Variants in CWC25 observed in about 807,000 individuals in gnomAD.
The protein encoded by CWC25 is pre-mRNA-splicing factor CWC25 homolog.
In CWC25, 31 loss-of-function variants were observed where a neutral mutation model predicts 54.6. That is an observed-to-expected ratio of 0.57 (90% CI 0.43 to 0.77). The LOEUF (loss-of-function observed/expected upper bound fraction) is 0.77, where lower values mean the gene tolerates loss of function less well. Ranked by LOEUF, CWC25 falls within the 30% of genes least tolerant of loss-of-function variation. CWC25 has a pLI of 0.00. For synonymous variants in CWC25, 151 were observed against 187.0 expected (o/e 0.81, Z 1.57); for missense variants, 453 against 529.3 (o/e 0.86, Z 1.41).
intron 4 of CWC25, among the ~76,000 whole-genome samples, chr17:38,811,527 C>T (rs561879980): frequency 3.7e-5 from 5 of 136,414 alleles, no homozygotes; most frequent in East Asian, 4.2e-4. Context: ...GGCAACAGAG[C>T]GAGACTCCGT....
chr17:38,817,579 G>GAGACCAAGGCCATCCAGGCCAAC (rs1456300331), intron 2 of CWC25, among the ~76,000 whole-genome samples: 1 of 151,984 alleles, frequency 6.6e-6, no homozygotes, highest in African/African-American at 2.4e-5. Context: ...ACAAGGTCAA[G>GAGACCAAGGCCATCCAGGCCAAC]AGACCAAGGC....
chr17:38,803,026 C>T (rs1911092686), intron 8 of CWC25, among the ~76,000 whole-genome samples, 165 bp from the exon 9 acceptor site: 1 of 152,178 alleles, frequency 6.6e-6, no homozygotes. Flanking sequence ...CAGGAGGTTT[C>T]ATCCAAATTT....
chr17:38,824,445 G>A (rs930524802), intron 1 of CWC25, among the ~76,000 whole-genome samples: 1 of 151,682 alleles, frequency 6.6e-6, no homozygotes, highest in African/African-American at 2.4e-5. Flanking sequence ...CTAGCACTCT[G>A]GGAGGCCGAG....
At chr17:38,807,208 A>G (rs1388096092) in intron 6 of CWC25, among the ~76,000 whole-genome samples, 1 of 150,226 alleles carries the variant, frequency 6.7e-6, no homozygotes, top group East Asian at 2.0e-4. Flanking sequence ...CTGTAATCCC[A>G]GCTACTCAGA....
At chr17:38,818,723 C>T (rs567122943) in intron 2 of CWC25, among the ~76,000 whole-genome samples, 1 of 150,524 alleles carries the variant, frequency 6.6e-6, no homozygotes, top group African/African-American at 2.4e-5. Context: ...TAGTGTTTTA[C>T]AATATTGTAG....
chr17:38,809,881 A>G (rs2143563246), intron 5 of CWC25, 116 bp from the exon 6 acceptor site: 1 of 871,570 alleles, frequency 1.1e-6, no homozygotes, highest in South Asian at 1.7e-5. Context: ...GCCTCCCAGC[A>G]GTTACCTGGC....
At chr17:38,818,519 G>A (rs1911792326) in intron 2 of CWC25, among the ~76,000 whole-genome samples, 1 of 146,984 alleles carries the variant, frequency 6.8e-6, no homozygotes, top group Non-Finnish European at 1.5e-5. Flanking sequence ...ATGAACCCGG[G>A]AGGCGGAGCT....
In CWC25 at chr17:38,815,196, T is replaced by C. The variant is rs1911649036; in HGVS notation, c.192-99A>G. 9 of 1,036,456 alleles carry C rather than the reference T, an allele frequency of 8.7e-6. No homozygotes were observed. The South Asian group carries it at 1.4e-4, about 16-fold the overall frequency. 64.2% of individuals were successfully genotyped at this position (1,036,456 alleles called of 1,614,324 possible). Reference sequence around the variant, plus strand: ...GACACAAGGGAGAGAGAACCACAGCTAATCAGAGTTCATTCTACTGGCACC... The same window carrying C: ...GACACAAGGGAGAGAGAACCACAGCCAATCAGAGTTCATTCTACTGGCACC... On this transcript the variant is annotated intron_variant, in intron 2 of 9. Coordinates refer to ENST00000614790, the MANE Select transcript of CWC25 (RefSeq NM_017748.5).
intron 6 of CWC25, among the ~76,000 whole-genome samples, chr17:38,807,441 T>A (rs1345068665): frequency 7.1e-6 from 1 of 140,464 alleles, no homozygotes; most frequent in African/African-American, 2.6e-5. Context: ...AACTTAGTTA[T>A]CTGCAGAATC....
Position 38,805,898 on chromosome 17 carries a change from C to T in CWC25, c.1001+399G>A, listed in dbSNP as rs550205790. On this transcript the variant is annotated intron_variant, in intron 8 of 9. Transcript: ENST00000614790. ...TGAGATCTCAGCTCACTGTAACCTC[C>T]AACCCCTGGGTTCAAGCAGTTCTCC... Among the ~76,000 whole-genome samples, 3 of 152,220 alleles carry T rather than the reference C, an allele frequency of 2.0e-5. No individual in the cohort carries two copies. In the South Asian group the frequency reaches 6.2e-4, roughly 32 times the overall value.
At chr17:38,804,116 A>G (rs1317144247) in intron 8 of CWC25, among the ~76,000 whole-genome samples, 1 of 152,158 alleles carries the variant, frequency 6.6e-6, no homozygotes, top group Non-Finnish European at 1.5e-5. Context: ...TTTAGATTGC[A>G]GGAAGCAAAT....
chr17:38,807,755 CAAA>C (rs1408782738), intron 6 of CWC25, among the ~76,000 whole-genome samples: 14 of 82,446 alleles, frequency 1.7e-4, no homozygotes, highest in East Asian at 3.4e-4. Context: ...GACCCTGTCT[CAAA>C]AAAAAAAAAA....
At position 38,801,015 on chromosome 17, in the gene CWC25, G is replaced by A. The variant is rs552342480; in HGVS notation, c.*1077C>T. The A allele has an allele frequency of 1.3e-5, 2 of 152,150 alleles. No homozygotes were observed. The highest frequency in any genetic ancestry group is 1.3e-4 in the Admixed American group (2 of 15,272). The allele number at this position is 152,150 out of a possible 1,614,324, so 9.4% of individuals were successfully genotyped here. On this transcript the variant is annotated 3_prime_UTR_variant, in exon 10 of 10. Transcript: ENST00000614790. ...TTCGCCAGGATGGTCTCGATCTCCTGACCTCGTGATCCGCCCACCTCAGCC... is the reference window on the plus strand; with the variant it reads ...TTCGCCAGGATGGTCTCGATCTCCTAACCTCGTGATCCGCCCACCTCAGCC...
intron 4 of CWC25, among the ~76,000 whole-genome samples, chr17:38,811,240 A>C (rs893621039): frequency 6.6e-6 from 1 of 151,632 alleles, no homozygotes; most frequent in Non-Finnish European, 1.5e-5. Flanking sequence ...TCTCATTAAA[A>C]AAAAACAAAA....
chr17:38,816,114 G>A (rs1911687948), intron 2 of CWC25, among the ~76,000 whole-genome samples: 1 of 152,152 alleles, frequency 6.6e-6, no homozygotes, highest in South Asian at 2.1e-4. Context: ...ACCACAGACA[G>A]TAAAGGCAGG....
intron 3 of CWC25, among the ~76,000 whole-genome samples, chr17:38,814,082 C>T (rs561411186): frequency 3.3e-5 from 5 of 151,326 alleles, no homozygotes; most frequent in East Asian, 4.0e-4. Context: ...AGGATGGTCT[C>T]GATCTCCTGA....
chr17:38,824,317 C>T (rs1262651567), intron 1 of CWC25, among the ~76,000 whole-genome samples: 1 of 152,152 alleles, frequency 6.6e-6, no homozygotes, highest in African/African-American at 2.4e-5. Flanking sequence ...CAAGCTCTGC[C>T]ACTACAGATC....
chr17:38,814,269 ATTTATTTTTATTT>A (rs1042950116), intron 3 of CWC25, among the ~76,000 whole-genome samples: 8 of 150,946 alleles, frequency 5.3e-5, no homozygotes, highest in South Asian at 4.2e-4. Flanking sequence ...TTATTTATTT[ATTTATTTTTATTT>A]TTTATTTTTA....
At chr17:38,808,676 G>A (rs1171114821) in intron 6 of CWC25, among the ~76,000 whole-genome samples, 1 of 149,948 alleles carries the variant, frequency 6.7e-6, no homozygotes, top group African/African-American at 2.4e-5. Flanking sequence ...AGCTACTCAG[G>A]AGGCTGAGGC....
Sources: gnomAD v4.1 joint callset for allele counts (sites outside exome capture counted in the v4.1 genomes callset) on GRCh38, gnomAD v4.1.1 for gene constraint, MANE v1.5 for transcripts, NCBI Gene and HGNC (gene_info 2026-07-23, HGNC 2026-07-21) for gene names.